Variants in ACTA1 observed in about 807,000 individuals in gnomAD.
ACTA1 encodes actin alpha 1, skeletal muscle, also known as actin, alpha skeletal muscle.
Under a neutral mutation model 35.8 loss-of-function variants are expected in ACTA1, and 25 were observed. That is an observed-to-expected ratio of 0.70 (90% confidence interval 0.51 to 0.97). The LOEUF (loss-of-function observed/expected upper bound fraction) is 0.97, where lower values mean the gene tolerates loss of function less well. ACTA1 is among the 50% of genes least tolerant of loss of function. ACTA1 has a pLI of 0.00. For synonymous variants in ACTA1, 219 were observed against 217.1 expected (o/e 1.01, Z -0.08); for missense variants, 174 against 533.0 (o/e 0.33, Z 6.63).
At chr1:229,433,229 A>T in intron 1 of ACTA1, 102 bp from the exon 2 acceptor site, 1 of 1,519,216 alleles carries the variant, frequency 6.6e-7, no homozygotes, top group Non-Finnish European at 9.1e-7. Flanking sequence ...CTCCCTCCCC[A>T]GGAACCTAGG....
At position 229,432,967 on chromosome 1, in the gene ACTA1, C is replaced by G. The variant is rs758142768; in HGVS notation, c.129+20G>C. On this transcript the variant is annotated intron_variant, in intron 2 of 6. Transcript: ENST00000366684. Reference sequence around the variant, plus strand: ...CGCGGGGACCCCGAGCCGGCTCCCTCTGCGGAGGGGCAGCCTGACCTGGTG... The same window carrying G: ...CGCGGGGACCCCGAGCCGGCTCCCTGTGCGGAGGGGCAGCCTGACCTGGTG... 4.3e-6 allele frequency: 7 copies of G among 1,613,524 alleles called. No homozygotes were observed. Among genetic ancestry groups the G allele is most frequent in the Admixed American group, 3.3e-5 (2 of 59,970 alleles).
chr1:229,433,280 CGACCAGGGGTTCTCTTCT>C (rs1659993744), intron 1 of ACTA1, among the ~76,000 whole-genome samples, 153 bp from the exon 2 acceptor site: 1 of 152,234 alleles, frequency 6.6e-6, no homozygotes, highest in Non-Finnish European at 1.5e-5. Flanking sequence ...GCCAGGGCGG[CGACCAGGGGTTCTCTTCT>C]CGACCTTTGC....
chr1:229,433,147 G>T lies in ACTA1; in HGVS notation c.-12-20C>A. On this transcript the variant is annotated intron_variant, in intron 1 of 6. Transcript: ENST00000366684. Reference sequence around the variant, plus strand: ...TAGTTTCTGCAAGGACAGGGAGACCGCGAAGAGGCGCGGTGCATCAGCGCA... The same window carrying T: ...TAGTTTCTGCAAGGACAGGGAGACCTCGAAGAGGCGCGGTGCATCAGCGCA... 1 of 1,613,760 alleles carries T rather than the reference G, an allele frequency of 6.2e-7. No homozygotes were observed. Among genetic ancestry groups the T allele is most frequent in the Non-Finnish European group, 8.5e-7 (1 of 1,179,908 alleles).
At position 229,431,259 on chromosome 1, in the gene ACTA1, C is replaced by T. The variant is rs757948064; in HGVS notation, c.*240G>A. On this transcript the variant is annotated 3_prime_UTR_variant, in exon 7 of 7. Transcript: ENST00000366684. This position sits in a 1 kb window ranked among gnomAD's most constrained non-coding sequence, Gnocchi z 7.1. ...AACACGACCACTTTACGCAGCTTAACAGAATGACTTTAATGCTTCTTCAAG... is the reference window on the plus strand; with the variant it reads ...AACACGACCACTTTACGCAGCTTAATAGAATGACTTTAATGCTTCTTCAAG... The T allele has an allele frequency of 2.3e-5, 14 of 604,900 alleles. No individual in the cohort carries two copies. The highest frequency in any genetic ancestry group is 3.8e-5 in the Non-Finnish European group (13 of 346,112). The allele number at this position is 604,900 out of a possible 1,614,324, so 37.5% of individuals were successfully genotyped here.
rs1468015780 is a variant in ACTA1 at position 229,431,976 on chromosome 1, A to G, written c.808+18T>C. ...CCGGCGGGGCCTGGGGGCCGGGGCG[A>G]GGGCGAGCGGGGCTCACCGATGAAG... is the stretch of plus-strand genomic sequence containing the variant. On this transcript the variant is annotated intron_variant, in intron 5 of 6. Transcript: ENST00000366684. The surrounding 1 kb of genome is among the most constrained non-coding windows in gnomAD (Gnocchi z 7.1). The G allele has an allele frequency of 6.2e-7, 1 of 1,603,386 alleles. No individual in the cohort carries two copies. Among genetic ancestry groups the G allele is most frequent in the Admixed American group, 1.7e-5 (1 of 59,200 alleles).
rs146508471 is a variant in ACTA1, at chr1:229,432,676, G to T, written c.334C>A (p.Leu112Ile). 8 of 1,614,056 alleles carry T rather than the reference G, an allele frequency of 5.0e-6. No homozygotes were observed. Among genetic ancestry groups the T allele is most frequent in the African/African-American group, 4.0e-5 (3 of 74,926 alleles). ...TTCTCGCGGTTGGCCTTGGGATTGA[G>T]GGGGGCCTCGGTGAGCAGGGTGGGG... ...EHPTLLTEAPLNPKANREKMT... is the reference protein window; with the variant it reads ...EHPTLLTEAPINPKANREKMT... Residue 112 changes from leucine (L) to isoleucine (I), a missense_variant, in exon 3 of 7, where the codon CTC becomes ATC. Transcript: ENST00000366684.
Position 229,432,301 on chromosome 1 carries a change from G to A in ACTA1, c.585C>T (p.Leu195=), listed in dbSNP as rs1377140963. 6.2e-7 allele frequency: 1 copy of A among 1,613,706 alleles called. No individual in the cohort carries two copies. The highest frequency in any genetic ancestry group is 1.3e-5 in the African/African-American group (1 of 74,912). The part of the protein sequence containing the change: ...RDLTDYLMKI[L]TERGYSFVTT... ...TCACGAAGGAGTAGCCACGCTCAGT[G>A]AGGATCTTCATCAGGTAGTCGGTGA... is the stretch of plus-strand genomic sequence containing the variant. The change falls in exon 4 of 7, where the codon CTC becomes CTT. Residue 195 remains leucine, a synonymous_variant. Transcript: ENST00000366684.
chr1:229,432,513 G>GGGGCGA, intron 3 of ACTA1, 43 bp downstream of exon 3: 2 of 1,472,104 alleles, frequency 1.4e-6, no homozygotes, highest in South Asian at 2.7e-5. Context: ...GGCGGGGGCG[G>GGGGCGA]GGGCGGGGGC....
In ACTA1 at chr1:229,431,754, G is replaced by T; in HGVS notation, c.957C>A (p.Ile319=). 3 of 1,614,192 alleles carry T rather than the reference G, an allele frequency of 1.9e-6. No homozygotes were observed. The highest frequency in any genetic ancestry group is 2.5e-6 in the Non-Finnish European group (3 of 1,180,012). ...TCATGGTGCTGGGTGCCAGCGCGGT[G>T]ATCTCTTTCTGCATGCGGTCAGCGA... ...PGIADRMQKE[I]TALAPSTMKI... Residue 319 remains isoleucine, a synonymous_variant, in exon 6 of 7, where the codon ATC becomes ATA. Transcript: ENST00000366684. This position sits in a 1 kb window ranked among gnomAD's most constrained non-coding sequence, Gnocchi z 7.1.
Position 229,432,541 on chromosome 1 carries a change from G to A in ACTA1, c.454+15C>T, listed in dbSNP as rs201388631. 251 of 1,599,268 alleles carry A rather than the reference G, an allele frequency of 1.6e-4. No homozygotes were observed. The African/African-American group carries it at 2.7e-3, about 17-fold the overall frequency. Reference sequence around the variant, plus strand: ...GCGGGGGCGGGAGAGGGGACTGGGGGCAGCGGGCACTCACCGGTGGTCCTG... The same window carrying A: ...GCGGGGGCGGGAGAGGGGACTGGGGACAGCGGGCACTCACCGGTGGTCCTG... On this transcript the variant is annotated intron_variant, in intron 3 of 6. Transcript: ENST00000366684.
rs148084911 is a variant in ACTA1, at chr1:229,432,971, G to A, written c.129+16C>T. ...GGGACCCCGAGCCGGCTCCCTCTGC[G>A]GAGGGGCAGCCTGACCTGGTGTCGG... On this transcript the variant is annotated intron_variant, in intron 2 of 6. Transcript: ENST00000366684. 8.5e-4 allele frequency: 1,372 copies of A among 1,613,556 alleles called. 9 individuals are homozygous for A. In the African/African-American group the frequency reaches 0.012, roughly 14 times the overall value.
intron 1 of ACTA1, among the ~76,000 whole-genome samples, chr1:229,433,778 G>T (rs1363058887): frequency 6.6e-6 from 1 of 152,250 alleles, no homozygotes; most frequent in Non-Finnish European, 1.5e-5. Context: ...TACATGCCAG[G>T]TAAAGGAGCC....
In ACTA1 at chr1:229,431,689, C is replaced by G; in HGVS notation, c.990+32G>C. 1 of 1,613,982 alleles carries G rather than the reference C, an allele frequency of 6.2e-7. No homozygotes were observed. The highest frequency in any genetic ancestry group is 8.5e-7 in the Non-Finnish European group (1 of 1,179,988). On this transcript the variant is annotated intron_variant, in intron 6 of 6. Transcript: ENST00000366684. This position sits in a 1 kb window ranked among gnomAD's most constrained non-coding sequence, Gnocchi z 7.1. ...GGGGAGACCTCACCCTGGAGCCCAC[C>G]CCGCCGACAGCCCGCGCAGGCCACC... is the stretch of plus-strand genomic sequence containing the variant.
intron 1 of ACTA1, among the ~76,000 whole-genome samples, 161 bp from the exon 2 acceptor site, chr1:229,433,288 G>A (rs978259458): frequency 6.6e-6 from 1 of 152,226 alleles, no homozygotes; most frequent in Non-Finnish European, 1.5e-5. Context: ...GGCGACCAGG[G>A]GTTCTCTTCT....
Position 229,431,613 on chromosome 1 carries a change from C to T in ACTA1, c.1020G>A (p.Ser340=), listed in dbSNP as rs776764140. Residue 340 remains serine, a synonymous_variant, in exon 7 of 7, where the codon TCG becomes TCA. Transcript: ENST00000366684. The surrounding 1 kb of genome is among the most constrained non-coding windows in gnomAD (Gnocchi z 7.1). Reference sequence around the variant, plus strand: ...CCAGGATGGAGCCGCCGATCCACACCGAGTATTTGCGCTCCGGCGGGGCGA... The same window carrying T: ...CCAGGATGGAGCCGCCGATCCACACTGAGTATTTGCGCTCCGGCGGGGCGA... The part of the protein sequence containing the change: ...KIIAPPERKY[S]VWIGGSILAS... 2 of 1,613,968 alleles carry T rather than the reference C, an allele frequency of 1.2e-6. No individual in the cohort carries two copies. Among genetic ancestry groups the T allele is most frequent in the African/African-American group, 2.7e-5 (2 of 74,916 alleles).
In ACTA1 at chr1:229,432,937, G is replaced by C. The variant is rs773362795; in HGVS notation, c.129+50C>G. On this transcript the variant is annotated intron_variant, in intron 2 of 6. Transcript: ENST00000366684. ...CGCCGCTCCGGGTGGCACCAGGCTGGCTTACGCGGGGACCCCGAGCCGGCT... is the reference window on the plus strand; with the variant it reads ...CGCCGCTCCGGGTGGCACCAGGCTGCCTTACGCGGGGACCCCGAGCCGGCT... 2.5e-6 allele frequency: 4 copies of C among 1,613,950 alleles called. 1 individual carries two copies. The East Asian group carries it at 6.7e-5, about 27-fold the overall frequency.
At chr1:229,432,496 C>CGGAGGG (rs1553255460) in intron 3 of ACTA1, 60 bp downstream of exon 3, 67 of 1,026,884 alleles carry the variant, frequency 6.5e-5, no homozygotes, top group Non-Finnish European at 8.2e-5. Context: ...TCAGCGCTAG[C>CGGAGGG]GGCGGGGGCG....
chr1:229,432,970 C>T lies in ACTA1; in HGVS notation c.129+17G>A. On this transcript the variant is annotated intron_variant, in intron 2 of 6. Coordinates refer to ENST00000366684, the MANE Select transcript of ACTA1 (RefSeq NM_001100.4). ...GGGGACCCCGAGCCGGCTCCCTCTG[C>T]GGAGGGGCAGCCTGACCTGGTGTCG... is the stretch of plus-strand genomic sequence containing the variant. The T allele has an allele frequency of 6.2e-7, 1 of 1,613,526 alleles. No individual in the cohort carries two copies. Among genetic ancestry groups the T allele is most frequent in the African/African-American group, 1.3e-5 (1 of 75,040 alleles).
At chr1:229,432,930 C>A (rs748240292) in intron 2 of ACTA1, 50 bp from the exon 3 acceptor site, 1 of 1,613,988 alleles carries the variant, frequency 6.2e-7, no homozygotes, top group Non-Finnish European at 8.5e-7. Context: ...CGGGTGGCAC[C>A]AGGCTGGCTT....
Sources: gnomAD v4.1 joint callset for allele counts (sites outside exome capture counted in the v4.1 genomes callset) on GRCh38, gnomAD v4.1.1 for gene constraint, Gnocchi (gnomAD v3.1) non-coding constraint, MANE v1.5 for transcripts, NCBI Gene and HGNC (gene_info 2026-07-23, HGNC 2026-07-21) for gene names.